Variants in BDH1 observed in about 807,000 individuals in gnomAD.
The protein encoded by BDH1 is 3-hydroxybutyrate dehydrogenase 1.
BDH1 carries 30 observed loss-of-function variants against 33.1 expected under a neutral mutation model. That is an observed-to-expected ratio of 0.91 (90% CI 0.68 to 1.23). The LOEUF (loss-of-function observed/expected upper bound fraction) is 1.23. Ranked by LOEUF, BDH1 falls within the 50% of genes most tolerant of loss-of-function variation. BDH1 has a pLI of 0.00. For synonymous variants in BDH1, 190 were observed against 183.6 expected, an observed-to-expected ratio of 1.03 and a Z score of -0.28; for missense variants, 443 against 464.4, an observed-to-expected ratio of 0.95 and a Z score of 0.42.
At chr3:197,569,250 T>A (rs1026383830) in intron 1 of BDH1, among the ~76,000 whole-genome samples, 3 of 152,166 alleles carry the variant, frequency 2.0e-5, no homozygotes, top group Non-Finnish European at 2.9e-5. Context: ...AGTACAGTTT[T>A]TTTTTTCCTT....
Position 197,554,884 on chromosome 3 carries a change from G to A in BDH1, c.-195-171C>T, listed in dbSNP as rs1346146040. On this transcript the variant is annotated intron_variant, in intron 1 of 7. Transcript: ENST00000392379. This position sits in a 1 kb window ranked among gnomAD's most constrained non-coding sequence, Gnocchi z 4.4. ...CCCACAGGGTATCTATCAGGCGCGCGTCAGCACGTAAGCAGAGCGCGAGAA... is the reference window on the plus strand; with the variant it reads ...CCCACAGGGTATCTATCAGGCGCGCATCAGCACGTAAGCAGAGCGCGAGAA... 1.3e-5 allele frequency among the ~76,000 whole-genome samples: 2 copies of A among 152,254 alleles called. No individual in the cohort carries two copies. Among genetic ancestry groups the A allele is most frequent in the East Asian group, 3.9e-4 (2 of 5,194 alleles).
chr3:197,520,089 G>A lies in BDH1; in HGVS notation c.409+2551C>T, dbSNP rs1160903779. Among the ~76,000 whole-genome samples the A allele has an allele frequency of 6.6e-6, 1 of 152,164 alleles. No individual in the cohort carries two copies. The highest frequency in any genetic ancestry group is 1.5e-5 in the Non-Finnish European group (1 of 68,024). On this transcript the variant is annotated intron_variant, in intron 6 of 7. Transcript: ENST00000392379. This position sits in a 1 kb window ranked among gnomAD's most constrained non-coding sequence, Gnocchi z 6.0. ...ACGCTCTGGGAGGGTGCTCCCTGGA[G>A]TTCACAGCCGGCATTGCCTGAGGGG...
At chr3:197,546,531 G>A in intron 2 of BDH1, 45 bp from the exon 3 acceptor site, 1 of 1,332,560 alleles carries the variant, frequency 7.5e-7, no homozygotes. Context: ...TGCCTTCCGG[G>A]CTTTAATCAG....
rs541082051 is a variant in BDH1 at position 197,520,348 on chromosome 3, C to T, written c.409+2292G>A. The stretch of plus-strand genomic sequence containing the variant: ...GATGGTGAGAGGTTCATCCAGCCCT[C>T]CGGAATGCCCGGCGTGGGAAAAGCA... On this transcript the variant is annotated intron_variant, in intron 6 of 7. Coordinates refer to ENST00000392379, the MANE Select transcript of BDH1 (RefSeq NM_203314.3). The surrounding 1 kb of genome is among the most constrained non-coding windows in gnomAD (Gnocchi z 6.0). 6.6e-6 allele frequency among the ~76,000 whole-genome samples: 1 copy of T among 152,230 alleles called. No homozygotes were observed. Among genetic ancestry groups the T allele is most frequent in the South Asian group, 2.1e-4 (1 of 4,822 alleles).
At chr3:197,517,527 C>T (rs1258408640) in intron 6 of BDH1, among the ~76,000 whole-genome samples, 3 of 24,196 alleles carry the variant, frequency 1.2e-4, no homozygotes, top group Non-Finnish European at 1.7e-4. Flanking sequence ...CCATCAGTCA[C>T]TTCCTGCTCT....
At chr3:197,535,891 G>A (rs1186339632) in intron 3 of BDH1, among the ~76,000 whole-genome samples, 2 of 151,884 alleles carry the variant, frequency 1.3e-5, no homozygotes, top group African/African-American at 2.4e-5. Flanking sequence ...CAAAAAATAC[G>A]AAAATTAGTC....
Position 197,512,215 on chromosome 3 carries a change from G to A in BDH1, c.712C>T (p.Pro238Ser), listed in dbSNP as rs887386685. The A allele has an allele frequency of 6.2e-7, 1 of 1,613,730 alleles. No individual in the cohort carries two copies. Among genetic ancestry groups the A allele is most frequent in the African/African-American group, 1.3e-5 (1 of 74,914 alleles). ...PLGVKVSVVE[P>S]GNFIAATSLY... ...CTGGTGGCAGCGATGAAGTTGCCGG[G>A]CTCCACCACGCTGACCTTCACGCCC... Residue 238 changes from proline to serine, a missense_variant, in exon 8 of 8, where the codon CCC (proline) becomes TCC (serine). By Grantham distance (74) the Pro-to-Ser change is moderately conservative. Coordinates refer to ENST00000392379, the MANE Select transcript of BDH1 (RefSeq NM_203314.3).
intron 4 of BDH1, among the ~76,000 whole-genome samples, chr3:197,533,075 C>T (rs1714822732): frequency 6.6e-6 from 1 of 152,170 alleles, no homozygotes; most frequent in Non-Finnish European, 1.5e-5. Flanking sequence ...TGGGGTTTCT[C>T]CATGTTGGCC....
chr3:197,551,868 C>G (rs1459707324), intron 2 of BDH1, among the ~76,000 whole-genome samples: 1 of 152,128 alleles, frequency 6.6e-6, no homozygotes, highest in African/African-American at 2.4e-5. Flanking sequence ...ACTGCCAGAT[C>G]AAGTGGGCAT....
In BDH1 at chr3:197,543,779, G is replaced by T. The variant is rs566702818; in HGVS notation, c.83+2582C>A. ...GGATGATAGTGGGGAAACCATGAGA[G>T]ATAAACAAGGAGAAACCATGTGGGT... On this transcript the variant is annotated intron_variant, in intron 3 of 7. Coordinates refer to ENST00000392379, the MANE Select transcript of BDH1 (RefSeq NM_203314.3). Among the ~76,000 whole-genome samples, 12 of 152,322 alleles carry T rather than the reference G, an allele frequency of 7.9e-5. No homozygotes were observed. The South Asian group carries it at 2.5e-3, about 32-fold the overall frequency.
At chr3:197,535,710 C>T (rs1038784396) in intron 3 of BDH1, among the ~76,000 whole-genome samples, 3 of 152,182 alleles carry the variant, frequency 2.0e-5, no homozygotes, top group Non-Finnish European at 1.5e-5. Flanking sequence ...AGCTCTTTGC[C>T]CCCAGGACCC....
intron 3 of BDH1, among the ~76,000 whole-genome samples, chr3:197,542,521 C>CTTTTTTTTTTTTTTTTTTTTT (rs71164295): frequency 3.8e-5 from 4 of 106,418 alleles, no homozygotes; most frequent in African/African-American, 1.3e-4. Context: ...TTCTTGCTTG[C>CTTTTTTTTTTTTTTTTTTTTT]TTTTTTTTTT....
rs115131136 is a variant in BDH1 at position 197,550,751 on chromosome 3, G to C, written c.-44+3811C>G. ...GCAGAAAGCAGCAGGGGTGGAGGTG[G>C]AGGGAGGGAGGGAGAAAAGCAACAG... is the stretch of plus-strand genomic sequence containing the variant. On this transcript the variant is annotated intron_variant, in intron 2 of 7. Transcript: ENST00000392379. Among the ~76,000 whole-genome samples the C allele has an allele frequency of 7.4e-3, 1,122 of 152,020 alleles. 10 individuals are homozygous for C. Among genetic ancestry groups the C allele is most frequent in the African/African-American group, 0.026 (1,065 of 41,454 alleles).
intron 7 of BDH1, among the ~76,000 whole-genome samples, chr3:197,512,571 C>G (rs1712191933): frequency 6.6e-6 from 1 of 152,196 alleles, no homozygotes; most frequent in African/African-American, 2.4e-5. Flanking sequence ...CCAGGCAGGA[C>G]AGGGGAGGAC....
upstream of BDH1, among the ~76,000 whole-genome samples, chr3:197,559,192 G>C (rs181025461): frequency 6.6e-6 from 1 of 152,018 alleles, no homozygotes; most frequent in African/African-American, 2.4e-5. Context: ...TAGAGATGGG[G>C]TTTCACCATG....
At chr3:197,524,245 C>T (rs1371576893) in intron 5 of BDH1, among the ~76,000 whole-genome samples, 1 of 152,188 alleles carries the variant, frequency 6.6e-6, no homozygotes, top group East Asian at 1.9e-4. Context: ...GGACTAGCAG[C>T]CAAGAGTAAA....
chr3:197,538,201 G>A, intron 3 of BDH1: 1 of 441,920 alleles, frequency 2.3e-6, no homozygotes, highest in Non-Finnish European at 4.6e-6. Context: ...AGAAGCGGAG[G>A]TCCTGTTAGT....
At chr3:197,553,309 T>C (rs1403463772) in intron 2 of BDH1, among the ~76,000 whole-genome samples, 2 of 149,376 alleles carry the variant, frequency 1.3e-5, no homozygotes, top group African/African-American at 2.4e-5. Flanking sequence ...GGTGGGCAGA[T>C]CACGAGGTCA....
At chr3:197,519,407 T>A (rs892117234) in intron 6 of BDH1, among the ~76,000 whole-genome samples, 29 of 151,520 alleles carry the variant, frequency 1.9e-4, no homozygotes, top group African/African-American at 6.8e-4. Context: ...AGGCCTATAA[T>A]CCCAGCACTT....
Sources: allele counts gnomAD v4.1 joint callset (sites outside exome capture counted in the v4.1 genomes callset), GRCh38; gene constraint gnomAD v4.1.1; non-coding constraint Gnocchi (gnomAD v3.1); transcripts MANE v1.5; gene names NCBI Gene and HGNC (gene_info 2026-07-23, HGNC 2026-07-21).